GRIK3: variants seen among roughly 807,000 people sequenced by gnomAD.
GRIK3 encodes the protein glutamate receptor ionotropic, kainate 3.
GRIK3 carries 29 observed loss-of-function variants against 102.5 expected under a neutral mutation model. The observed-to-expected ratio is 0.28, with a 90% confidence interval of 0.21 to 0.39. The LOEUF (loss-of-function observed/expected upper bound fraction) is 0.39, where lower values mean the gene tolerates loss of function less well. Ranked by LOEUF, GRIK3 falls within the 10% of genes least tolerant of loss-of-function variation. The pLI is 1.00. For synonymous variants in GRIK3, 511 were observed against 504.9 expected (o/e 1.01, Z -0.16); for missense variants, 908 against 1,252.4 (o/e 0.73, Z 4.15).
intron 11 of GRIK3, 127 bp downstream of exon 11, chr1:36,825,476 A>G: frequency 1.8e-6 from 1 of 560,384 alleles, no homozygotes; most frequent in South Asian, 3.0e-5. Flanking sequence ...TAGGGAGTGG[A>G]AGAGGAGTGG....
At chr1:37,028,209 GAC>G (rs1642783577) in intron 1 of GRIK3, among the ~76,000 whole-genome samples, 2 of 152,120 alleles carry the variant, frequency 1.3e-5, no homozygotes, top group South Asian at 4.1e-4. Flanking sequence ...AGGTGAAGGA[GAC>G]ACAGACACGA....
chr1:36,963,347 C>T (rs1015068292), intron 1 of GRIK3, among the ~76,000 whole-genome samples: 3 of 152,190 alleles, frequency 2.0e-5, no homozygotes, highest in African/African-American at 7.2e-5. Context: ...GAGACCAGGA[C>T]ACTCGAGACG....
intron 1 of GRIK3, among the ~76,000 whole-genome samples, chr1:36,978,825 C>T (rs1275401405): frequency 6.6e-6 from 1 of 152,194 alleles, no homozygotes; most frequent in South Asian, 2.1e-4. Flanking sequence ...CACGATGTCC[C>T]TCCTGTCACA....
At chr1:36,960,871 G>A (rs778508676) in intron 1 of GRIK3, among the ~76,000 whole-genome samples, 9 of 152,200 alleles carry the variant, frequency 5.9e-5, no homozygotes, top group Non-Finnish European at 1.2e-4. Flanking sequence ...TCTAGCCTAG[G>A]ACAAGCTGGG....
At chr1:36,874,425 T>G (rs1640889638) in intron 3 of GRIK3, among the ~76,000 whole-genome samples, 1 of 151,986 alleles carries the variant, frequency 6.6e-6, no homozygotes, top group Non-Finnish European at 1.5e-5. Flanking sequence ...TGTGCTGGAG[T>G]TGGGAGACGG....
At chr1:36,822,094 T>C (rs1481727602) in intron 11 of GRIK3, among the ~76,000 whole-genome samples, 1 of 152,200 alleles carries the variant, frequency 6.6e-6, no homozygotes, top group Non-Finnish European at 1.5e-5. Context: ...ACTTAAGCTG[T>C]CCTCTCTTTC....
chr1:36,924,518 G>GC (rs2124307368), intron 1 of GRIK3, among the ~76,000 whole-genome samples: 1 of 152,294 alleles, frequency 6.6e-6, no homozygotes, highest in Admixed American at 6.5e-5. Context: ...TGGGTGCTGA[G>GC]CCCCTATCAC....
chr1:36,871,148 G>A (rs1052406692), intron 4 of GRIK3, among the ~76,000 whole-genome samples: 11 of 152,174 alleles, frequency 7.2e-5, no homozygotes, highest in African/African-American at 2.7e-4. Flanking sequence ...ATCTACAGAG[G>A]AGGGGAATGA....
chr1:36,868,494 G>A (rs577209725), intron 5 of GRIK3, among the ~76,000 whole-genome samples: 4 of 152,192 alleles, frequency 2.6e-5, no homozygotes, highest in Non-Finnish European at 5.9e-5. Context: ...GGGACTGTAG[G>A]GAGGATAAGT....
intron 7 of GRIK3, among the ~76,000 whole-genome samples, chr1:36,854,360 A>G (rs1300173436): frequency 6.6e-6 from 1 of 152,234 alleles, no homozygotes; most frequent in Non-Finnish European, 1.5e-5. Flanking sequence ...GTGAAATGAG[A>G]TAAGTCATAT....
intron 11 of GRIK3, among the ~76,000 whole-genome samples, chr1:36,824,418 G>A (rs1352480294): frequency 6.6e-6 from 1 of 152,178 alleles, no homozygotes. Context: ...CGCCCACCAG[G>A]CAGGGTGGCC....
chr1:36,917,188 C>CT (rs1476007278), intron 1 of GRIK3, among the ~76,000 whole-genome samples: 5 of 152,298 alleles, frequency 3.3e-5, no homozygotes, highest in East Asian at 3.9e-4. Context: ...CTGTAGCCTC[C>CT]TTTTTTTAAG....
chr1:37,003,509 GA>G (rs1388034481), intron 1 of GRIK3, among the ~76,000 whole-genome samples: 1 of 152,130 alleles, frequency 6.6e-6, no homozygotes, highest in South Asian at 2.1e-4. Flanking sequence ...TGAGCTTCTG[GA>G]TCCGGAGGTG....
At chr1:36,924,586 C>A (rs994920086) in intron 1 of GRIK3, among the ~76,000 whole-genome samples, 9 of 152,112 alleles carry the variant, frequency 5.9e-5, no homozygotes, top group African/African-American at 2.2e-4. Flanking sequence ...GGAGGCACAG[C>A]CAGAGCCTCC....
chr1:36,920,911 C>CT (rs773951489), intron 1 of GRIK3, among the ~76,000 whole-genome samples: 23 of 152,250 alleles, frequency 1.5e-4, no homozygotes, highest in Non-Finnish European at 1.8e-4. Context: ...TGCCTCATCC[C>CT]TGCATGCCTG....
intron 10 of GRIK3, among the ~76,000 whole-genome samples, chr1:36,827,219 C>T (rs541534224): frequency 2.2e-4 from 34 of 152,284 alleles, no homozygotes; most frequent in Middle Eastern, 3.4e-3. Context: ...GGAGCTGGGG[C>T]GGAGTCTCTG....
chr1:36,899,725 T>C (rs1641212328), intron 1 of GRIK3, among the ~76,000 whole-genome samples: 1 of 152,138 alleles, frequency 6.6e-6, no homozygotes, highest in Admixed American at 6.5e-5. Flanking sequence ...AGTAAATGAA[T>C]GAAGACATGC....
At chr1:36,940,836 C>T (rs974715154) in intron 1 of GRIK3, among the ~76,000 whole-genome samples, 5 of 152,208 alleles carry the variant, frequency 3.3e-5, no homozygotes, top group African/African-American at 1.2e-4. Flanking sequence ...GCCACATCCC[C>T]AGCACAAGGG....
At chr1:36,987,309 A>G (rs1267529462) in intron 1 of GRIK3, among the ~76,000 whole-genome samples, 1 of 152,086 alleles carries the variant, frequency 6.6e-6, no homozygotes, top group South Asian at 2.1e-4. Flanking sequence ...GTTCGATTCC[A>G]TGTCTGCTCA....
Sources: gnomAD v4.1 joint callset for allele counts (sites outside exome capture counted in the v4.1 genomes callset) on GRCh38, gnomAD v4.1.1 for gene constraint, MANE v1.5 for transcripts, NCBI Gene and HGNC (gene_info 2026-07-23, HGNC 2026-07-21) for gene names.